The following ITGB3BP variants were observed in gnomAD, a reference collection of about 807,000 sequenced individuals.
The protein encoded by ITGB3BP is integrin subunit beta 3 binding protein.
A neutral mutation model predicts 29.1 loss-of-function variants in ITGB3BP; 27 were observed. That is an observed-to-expected ratio of 0.93 (90% confidence interval 0.68 to 1.28). The LOEUF is 1.28. ITGB3BP is among the 50% of genes most tolerant of loss of function. The probability of loss-of-function intolerance (pLI) is 0.00; values close to 1 mark genes in which losing one functional copy is unlikely to be tolerated. For synonymous variants in ITGB3BP, 61 were observed against 61.4 expected (o/e 0.99, Z 0.03); for missense variants, 192 against 200.2 (o/e 0.96, Z 0.25).
intron 1 of ITGB3BP, among the ~76,000 whole-genome samples, chr1:63,512,035 T>C (rs1001543445): frequency 6.6e-6 from 1 of 152,098 alleles, no homozygotes; most frequent in African/African-American, 2.4e-5. Flanking sequence ...ACAGGTAACC[T>C]CTCTGTGGGT....
chr1:63,508,351 A>C (rs1406831336), intron 2 of ITGB3BP, among the ~76,000 whole-genome samples, 177 bp downstream of exon 2: 1 of 152,112 alleles, frequency 6.6e-6, no homozygotes, highest in Non-Finnish European at 1.5e-5. Flanking sequence ...TCCACATATT[A>C]GATTCACAAA....
At chr1:63,450,917 G>GT (rs1348511517) in intron 7 of ITGB3BP, among the ~76,000 whole-genome samples, 9 of 151,782 alleles carry the variant, frequency 5.9e-5, no homozygotes, top group Admixed American at 5.9e-4. Flanking sequence ...ATTTTATTGT[G>GT]TATGTTTTAA....
chr1:63,461,826 T>C (rs1645023076), intron 4 of ITGB3BP, among the ~76,000 whole-genome samples: 1 of 152,254 alleles, frequency 6.6e-6, no homozygotes, highest in African/African-American at 2.4e-5. Flanking sequence ...TTGGTCTCTA[T>C]GGCTACTGTT....
chr1:63,451,043 TG>T (rs1212842038), intron 7 of ITGB3BP, among the ~76,000 whole-genome samples: 1 of 151,912 alleles, frequency 6.6e-6, no homozygotes, highest in Non-Finnish European at 1.5e-5. Flanking sequence ...AGACTGTAAC[TG>T]ACATTAACTG....
At chr1:63,494,797 T>C (rs536551733) in intron 2 of ITGB3BP, among the ~76,000 whole-genome samples, 1 of 152,178 alleles carries the variant, frequency 6.6e-6, no homozygotes, top group Non-Finnish European at 1.5e-5. Context: ...GTCATTCTCT[T>C]ACACTGTAAT....
At chr1:63,483,821 T>C (rs966484666) in intron 3 of ITGB3BP, among the ~76,000 whole-genome samples, 17 of 152,226 alleles carry the variant, frequency 1.1e-4, no homozygotes, top group African/African-American at 3.9e-4. Flanking sequence ...CATTATGTTT[T>C]GATTGCCTAT....
At chr1:63,511,212 A>G (rs756116264) in intron 1 of ITGB3BP, among the ~76,000 whole-genome samples, 23 of 152,166 alleles carry the variant, frequency 1.5e-4, no homozygotes, top group Non-Finnish European at 2.9e-4. Context: ...TGCAAATCAG[A>G]ACCACAATGA....
intron 1 of ITGB3BP, 114 bp downstream of exon 1, chr1:63,523,015 A>C: frequency 2.4e-6 from 3 of 1,233,084 alleles, no homozygotes; most frequent in Non-Finnish European, 3.6e-6. Flanking sequence ...GACAGAGGAG[A>C]CAAGTTCATA....
At chr1:63,449,004 A>G (rs1265430707) in intron 7 of ITGB3BP, among the ~76,000 whole-genome samples, 1 of 152,136 alleles carries the variant, frequency 6.6e-6, no homozygotes, top group Non-Finnish European at 1.5e-5. Context: ...CAGAAAATAA[A>G]ATTTGTTTCT....
At chr1:63,460,207 A>G (rs1644995188) in intron 4 of ITGB3BP, among the ~76,000 whole-genome samples, 1 of 152,216 alleles carries the variant, frequency 6.6e-6, no homozygotes, top group Non-Finnish European at 1.5e-5. Flanking sequence ...CATTAATTAC[A>G]TTCACAATGT....
chr1:63,522,296 A>G (rs1201464849), intron 1 of ITGB3BP, among the ~76,000 whole-genome samples: 3 of 152,236 alleles, frequency 2.0e-5, no homozygotes, highest in Non-Finnish European at 4.4e-5. Context: ...ATTTGATACA[A>G]AAATTTCCCC....
At chr1:63,471,660 G>A (rs1291987696) in intron 4 of ITGB3BP, among the ~76,000 whole-genome samples, 2 of 152,176 alleles carry the variant, frequency 1.3e-5, no homozygotes, top group Admixed American at 1.3e-4. Context: ...TTCCCATGCT[G>A]ATAACAAATA....
chr1:63,497,127 T>C (rs776763401), intron 2 of ITGB3BP, among the ~76,000 whole-genome samples: 18 of 152,126 alleles, frequency 1.2e-4, no homozygotes, highest in Non-Finnish European at 2.4e-4. Context: ...AATAAATGTA[T>C]GAAGCAAAGA....
chr1:63,454,678 T>C lies in ITGB3BP; in HGVS notation c.334-205A>G, dbSNP rs1644907318. The stretch of plus-strand genomic sequence containing the variant: ...TTTATAATTAACTAAAAAGACTAAA[T>C]GTAATCTATAAATTTATGTTTAAAT... On this transcript the variant is annotated intron_variant, in intron 5 of 8. Transcript: ENST00000271002. This position sits in a 1 kb window ranked among gnomAD's most constrained non-coding sequence, Gnocchi z 4.1. 6.6e-6 allele frequency among the ~76,000 whole-genome samples: 1 copy of C among 152,090 alleles called. No homozygotes were observed. The highest frequency in any genetic ancestry group is 2.4e-5 in the African/African-American group (1 of 41,420).
intron 2 of ITGB3BP, among the ~76,000 whole-genome samples, chr1:63,494,924 A>G (rs901172252): frequency 1.7e-4 from 26 of 152,046 alleles, no homozygotes; most frequent in African/African-American, 6.3e-4. Flanking sequence ...CACTTTACCC[A>G]CCTGAGTAGC....
At chr1:63,479,243 G>T (rs538685111) in intron 3 of ITGB3BP, among the ~76,000 whole-genome samples, 1 of 152,024 alleles carries the variant, frequency 6.6e-6, no homozygotes, top group South Asian at 2.1e-4. Flanking sequence ...AGGGATTGGT[G>T]ATACCGATAC....
chr1:63,477,506 C>G (rs544833123), intron 4 of ITGB3BP, among the ~76,000 whole-genome samples: 1 of 152,190 alleles, frequency 6.6e-6, no homozygotes, highest in African/African-American at 2.4e-5. Flanking sequence ...GTCGCTTGAG[C>G]CCAGGGGTTC....
upstream of ITGB3BP, chr1:63,527,819 G>C (rs1646621890): frequency 6.6e-6 from 1 of 152,082 alleles, no homozygotes; most frequent in Non-Finnish European, 1.5e-5. Context: ...TATTTTCTTT[G>C]TTACTAAAGA....
upstream of ITGB3BP, chr1:63,523,471 G>A: frequency 2.5e-6 from 1 of 403,128 alleles, no homozygotes. Context: ...TAGATTTCTA[G>A]CCGGATCGTT....
Sources: gnomAD v4.1 joint callset for allele counts (sites outside exome capture counted in the v4.1 genomes callset) on GRCh38, gnomAD v4.1.1 for gene constraint, Gnocchi (gnomAD v3.1) non-coding constraint, MANE v1.5 for transcripts, NCBI Gene and HGNC (gene_info 2026-07-23, HGNC 2026-07-21) for gene names.